The following LRP1B variants were observed in gnomAD, a reference collection of about 807,000 sequenced individuals.
LRP1B encodes the protein low-density lipoprotein receptor-related protein 1B.
LRP1B carries 217 observed loss-of-function variants against 556.6 expected under a neutral mutation model. The ratio of observed to expected loss-of-function variants is 0.39; its 90% CI spans 0.35 to 0.44. The LOEUF (loss-of-function observed/expected upper bound fraction) is 0.44. Among genes scored for constraint, LRP1B ranks in the 20% least tolerant of loss-of-function variants. The pLI is 1.00. For missense variants in LRP1B, 5,053 were observed against 5,620.8 expected (o/e 0.90, Z 3.23); for synonymous variants, 2,047 against 1,865.8 (o/e 1.10, Z -2.50).
chr2:141,020,135 CT>C (rs1698023776), intron 11 of LRP1B, 33 bp from the exon 12 acceptor site: 2 of 1,389,210 alleles, frequency 1.4e-6, no homozygotes. Context: ...AAAGAAATTG[CT>C]TTTACAACTA....
At chr2:141,047,950 A>G (rs563911744) in intron 11 of LRP1B, among the ~76,000 whole-genome samples, 1 of 152,086 alleles carries the variant, frequency 6.6e-6, no homozygotes, top group African/African-American at 2.4e-5. Context: ...GTGAATATCC[A>G]TTACATAGGC....
intron 1 of LRP1B, among the ~76,000 whole-genome samples, chr2:141,939,593 A>G (rs1700736037): frequency 6.6e-6 from 1 of 152,140 alleles, no homozygotes; most frequent in Non-Finnish European, 1.5e-5. Flanking sequence ...TACTAAAACC[A>G]AAGTTAATAA....
intron 84 of LRP1B, among the ~76,000 whole-genome samples, chr2:140,289,708 C>T (rs912247797): frequency 6.6e-6 from 1 of 151,422 alleles, no homozygotes; most frequent in African/African-American, 2.4e-5. Context: ...ACAACCCTGA[C>T]AATTTTTTTG....
intron 1 of LRP1B, among the ~76,000 whole-genome samples, chr2:141,911,234 G>A (rs1223520869): frequency 2.0e-5 from 3 of 152,032 alleles, no homozygotes; most frequent in African/African-American, 7.2e-5. Context: ...ACCTCAAACC[G>A]GTTTTGTATT....
At chr2:141,423,844 T>C (rs62167985) in intron 3 of LRP1B, among the ~76,000 whole-genome samples, 1 of 151,844 alleles carries the variant, frequency 6.6e-6, no homozygotes, top group Non-Finnish European at 1.5e-5. Flanking sequence ...AAACCCTACA[T>C]TTACACACAT....
chr2:140,898,905 G>T, intron 23 of LRP1B: 1 of 385,782 alleles, frequency 2.6e-6, no homozygotes. Context: ...TCCTCAACTG[G>T]AAGAAGATAT....
At chr2:141,005,248 T>G in intron 15 of LRP1B, 87 bp downstream of exon 15, 1 of 1,416,034 alleles carries the variant, frequency 7.1e-7, no homozygotes, top group South Asian at 1.4e-5. Flanking sequence ...TCTTTCCAAG[T>G]GTCATTTTAA....
At chr2:140,252,609 C>G (rs999716978) in intron 86 of LRP1B, among the ~76,000 whole-genome samples, 1 of 151,992 alleles carries the variant, frequency 6.6e-6, no homozygotes, top group Non-Finnish European at 1.5e-5. Flanking sequence ...CTTTCTTTCT[C>G]ATGCCCAGGA....
intron 2 of LRP1B, among the ~76,000 whole-genome samples, chr2:141,503,239 C>A (rs1419335093): frequency 1.0e-4 from 10 of 100,484 alleles, no homozygotes; most frequent in African/African-American, 3.1e-4. Flanking sequence ...ATATACAATA[C>A]AATATATAAT....
At chr2:141,003,418 T>C (rs1697481715) in intron 15 of LRP1B, among the ~76,000 whole-genome samples, 1 of 152,028 alleles carries the variant, frequency 6.6e-6, no homozygotes, top group Admixed American at 6.6e-5. Flanking sequence ...TTTGGCTGTG[T>C]CCCCACCCAA....
chr2:141,027,604 T>C (rs1184423984), intron 11 of LRP1B, among the ~76,000 whole-genome samples: 2 of 152,172 alleles, frequency 1.3e-5, no homozygotes, highest in Non-Finnish European at 2.9e-5. Flanking sequence ...AATAAAGTCT[T>C]TGATTAACAA....
At chr2:141,179,252 G>C (rs946566075) in intron 7 of LRP1B, among the ~76,000 whole-genome samples, 21 of 152,086 alleles carry the variant, frequency 1.4e-4, no homozygotes, top group African/African-American at 5.1e-4. Context: ...GAATTTATGA[G>C]ACTAATTATT....
At chr2:141,220,296 C>A (rs984741689) in intron 6 of LRP1B, among the ~76,000 whole-genome samples, 8 of 151,956 alleles carry the variant, frequency 5.3e-5, no homozygotes, top group African/African-American at 1.7e-4. Flanking sequence ...TATCAACAGC[C>A]AAATAGACCA....
intron 55 of LRP1B, among the ~76,000 whole-genome samples, chr2:140,497,294 CAA>C (rs1460472231): frequency 6.6e-6 from 1 of 151,694 alleles, no homozygotes; most frequent in Non-Finnish European, 1.5e-5. Context: ...AAAATGAAGG[CAA>C]AAGTCAGAGC....
intron 3 of LRP1B, among the ~76,000 whole-genome samples, chr2:141,396,347 GA>G (rs1434464744): frequency 6.6e-6 from 1 of 152,012 alleles, no homozygotes; most frequent in East Asian, 1.9e-4. Flanking sequence ...AAAATAAAAA[GA>G]ATATCAGGAC....
At chr2:140,594,190 G>T (rs919900473) in intron 43 of LRP1B, among the ~76,000 whole-genome samples, 5 of 152,058 alleles carry the variant, frequency 3.3e-5, no homozygotes, top group African/African-American at 1.2e-4. Flanking sequence ...GGCTGGTCTC[G>T]AACTCCCGAC....
At chr2:141,017,023 T>C (rs1043138533) in intron 12 of LRP1B, among the ~76,000 whole-genome samples, 1 of 152,120 alleles carries the variant, frequency 6.6e-6, no homozygotes, top group Non-Finnish European at 1.5e-5. Context: ...TTAAATTCTC[T>C]TAACGGTTTC....
At chr2:140,317,750 A>C (rs935617044) in intron 82 of LRP1B, among the ~76,000 whole-genome samples, 2 of 152,104 alleles carry the variant, frequency 1.3e-5, no homozygotes, top group African/African-American at 2.4e-5. Flanking sequence ...ATTATGGGGT[A>C]CTCATTTTTA....
chr2:141,307,145 CT>C (rs372612488), intron 3 of LRP1B, among the ~76,000 whole-genome samples: 64 of 148,266 alleles, frequency 4.3e-4, no homozygotes, highest in African/African-American at 9.9e-4. Flanking sequence ...AGTTTAAATC[CT>C]TTTTTTTTTC....
Sources: allele counts gnomAD v4.1 joint callset (sites outside exome capture counted in the v4.1 genomes callset), GRCh38; gene constraint gnomAD v4.1.1; transcripts MANE v1.5; gene names NCBI Gene and HGNC (gene_info 2026-07-23, HGNC 2026-07-21).